TUT4: variants seen among roughly 807,000 people sequenced by gnomAD.
TUT4 encodes the protein terminal uridylyl transferase 4, also known as terminal uridylyltransferase 4.
Under a neutral mutation model 192.2 loss-of-function variants are expected in TUT4, and 36 were observed. That is an observed-to-expected ratio of 0.19 (90% confidence interval 0.14 to 0.25). The LOEUF is 0.25. TUT4 is among the 10% of genes least tolerant of loss of function. TUT4 has a pLI of 1.00. For missense variants in TUT4, 1,493 were observed against 1,957.2 expected (o/e 0.76, Z 4.47); for synonymous variants, 618 against 666.0 (o/e 0.93, Z 1.11).
At chr1:52,495,570 T>A in intron 5 of TUT4, 55 bp from the exon 6 acceptor site, 1 of 1,373,424 alleles carries the variant, frequency 7.3e-7, no homozygotes, top group South Asian at 1.3e-5. Flanking sequence ...ATGAGAGATG[T>A]AAAAAAACAG....
At chr1:52,472,719 C>A (rs926575589) in intron 13 of TUT4, among the ~76,000 whole-genome samples, 2 of 151,864 alleles carry the variant, frequency 1.3e-5, no homozygotes, top group Non-Finnish European at 2.9e-5. Flanking sequence ...AACTCCAAAC[C>A]CTATATAACC....
intron 26 of TUT4, among the ~76,000 whole-genome samples, chr1:52,436,001 CTTATTT>C (rs1289366514): frequency 6.6e-6 from 1 of 152,046 alleles, no homozygotes; most frequent in Non-Finnish European, 1.5e-5. Flanking sequence ...AAAATGTTCT[CTTATTT>C]TTTTTTAATA....
In TUT4 at chr1:52,435,370, C is replaced by T. The variant is rs1338515678; in HGVS notation, c.4258G>A (p.Glu1420Lys). ...TTCACAGGCAGAGTACTTACACATTCTGATGACTGTCTAGTCCTTATGGAC... is the reference window on the plus strand; with the variant it reads ...TTCACAGGCAGAGTACTTACACATTTTGATGACTGTCTAGTCCTTATGGAC... ...DQSIRTRQSS[E>K]CSESPSYSPQ... Residue 1420 changes from glutamate (E) to lysine (K), a missense_variant, in exon 27 of 30, where the codon GAA becomes AAA. Coordinates refer to ENST00000257177, the MANE Select transcript of TUT4 (RefSeq NM_001009881.3). 9 of 1,613,530 alleles carry T rather than the reference C, an allele frequency of 5.6e-6. No homozygotes were observed. The South Asian group carries it at 9.9e-5, about 18-fold the overall frequency.
intron 3 of TUT4, among the ~76,000 whole-genome samples, chr1:52,510,789 GC>G (rs922405240): frequency 6.6e-5 from 10 of 152,242 alleles, no homozygotes; most frequent in African/African-American, 2.4e-4. Flanking sequence ...GAAAACAAAA[GC>G]CCATAGAACC....
intron 24 of TUT4, among the ~76,000 whole-genome samples, chr1:52,442,389 C>A (rs1338535368): frequency 1.3e-5 from 2 of 152,136 alleles, no homozygotes; most frequent in South Asian, 2.1e-4. Context: ...TAAGGCAAAT[C>A]TATCTTGCAT....
intron 20 of TUT4, among the ~76,000 whole-genome samples, chr1:52,447,477 C>CAAAAAAAAAAAAAAAA (rs576050725): frequency 2.6e-5 from 3 of 113,348 alleles, no homozygotes; most frequent in Non-Finnish European, 3.6e-5. Flanking sequence ...AACAAAAAAA[C>CAAAAAAAAAAAAAAAA]AAAAAAAAAA....
At chr1:52,521,537 C>T (rs957746985) in intron 2 of TUT4, among the ~76,000 whole-genome samples, 20 of 151,804 alleles carry the variant, frequency 1.3e-4, no homozygotes, top group Admixed American at 2.0e-4. Context: ...TAGTGGTACA[C>T]GCCTGCAGTC....
At chr1:52,507,459 A>G (rs1355680155) in intron 4 of TUT4, among the ~76,000 whole-genome samples, 1 of 151,986 alleles carries the variant, frequency 6.6e-6, no homozygotes, top group South Asian at 2.1e-4. Flanking sequence ...CCACTGCTTC[A>G]TATTTCTGTA....
chr1:52,500,120 C>A (rs568768815), intron 4 of TUT4, among the ~76,000 whole-genome samples: 1,532 of 136,804 alleles, frequency 0.011, 24 homozygotes, highest in African/African-American at 0.039. Context: ...AGATTCTGCT[C>A]AAAAAAAAAA....
rs771656355 is a variant in TUT4, at chr1:52,490,769, C to T, written c.1351G>A (p.Ala451Thr). ...LYVDVESDFH[A>T]KVPVVVCRDR... is the part of the protein sequence containing the mutation. The stretch of plus-strand genomic sequence containing the variant: ...CTGCACACCACAACAGGAACTTTAG[C>T]GTGAAAATCAGATTCCACATCTACA... Residue 451 changes from alanine to threonine, a missense_variant, in exon 8 of 30, where the codon GCT becomes ACT. Physicochemically the swap from Ala to Thr is moderately conservative, Grantham distance 58. Transcript: ENST00000257177. The T allele has an allele frequency of 5.0e-6, 8 of 1,610,698 alleles. No homozygotes were observed. Among genetic ancestry groups the T allele is most frequent in the East Asian group, 2.2e-5 (1 of 44,746 alleles).
At position 52,431,341 on chromosome 1, in the gene TUT4, C is replaced by T. The variant is rs775316289; in HGVS notation, c.4383G>A (p.Gln1461=). ...CCTGATGGGGAGGTTGGGCTCCCTG[C>T]TGAGGTGGGCCAAGCTTAGGTTGGG... The part of the protein sequence containing the change: ...PGSQPKLGPP[Q]QGAQPPHQVQ... Residue 1461 remains glutamine (Q), a synonymous_variant, in exon 28 of 30, where the codon CAG becomes CAA. Transcript: ENST00000257177. 7 of 1,613,934 alleles carry T rather than the reference C, an allele frequency of 4.3e-6. No homozygotes were observed. The highest frequency in any genetic ancestry group is 5.1e-6 in the Non-Finnish European group (6 of 1,180,024).
In TUT4 at chr1:52,458,463, T is replaced by A; in HGVS notation, c.3322-14A>T. On this transcript the variant is annotated splice_polypyrimidine_tract_variant and intron_variant, in intron 19 of 29. Coordinates refer to ENST00000257177, the MANE Select transcript of TUT4 (RefSeq NM_001009881.3). ...AATGTCACATCGCTAAAAAACAACATGATTGAAAACAAAACTTCAGAGTCT... is the reference window on the plus strand; with the variant it reads ...AATGTCACATCGCTAAAAAACAACAAGATTGAAAACAAAACTTCAGAGTCT... 1.3e-6 allele frequency: 2 copies of A among 1,594,004 alleles called. No individual in the cohort carries two copies. The highest frequency in any genetic ancestry group is 1.7e-6 in the Non-Finnish European group (2 of 1,164,506).
At chr1:52,504,149 C>G (rs1317186551) in intron 4 of TUT4, among the ~76,000 whole-genome samples, 1 of 152,164 alleles carries the variant, frequency 6.6e-6, no homozygotes, top group Non-Finnish European at 1.5e-5. Flanking sequence ...TTCAAGACAT[C>G]CTAGGCCTGT....
In TUT4 at chr1:52,446,430, G is replaced by A; in HGVS notation, c.3526C>T (p.Pro1176Ser). ...GATTCTGTGTTCTTTCCAAGTGAAG[G>A]TAAACGCTTTTTCTACATATAAAAA... ...DKTEELKKRL[P>S]SLGKNTESLG... The change falls in exon 22 of 30, where the codon CCT (proline) becomes TCT (serine). Residue 1176 changes from proline (P) to serine (S), a missense_variant. Coordinates refer to ENST00000257177, the MANE Select transcript of TUT4 (RefSeq NM_001009881.3). 6.3e-7 allele frequency: 1 copy of A among 1,588,292 alleles called. No individual in the cohort carries two copies. Among genetic ancestry groups the A allele is most frequent in the Non-Finnish European group, 8.5e-7 (1 of 1,173,392 alleles).
At chr1:52,526,566 C>T (rs1162352915) in intron 1 of TUT4, among the ~76,000 whole-genome samples, 193 bp from the exon 2 acceptor site, 2 of 150,464 alleles carry the variant, frequency 1.3e-5, no homozygotes, top group Non-Finnish European at 1.5e-5. Context: ...GCCAAATGCT[C>T]ATCAAGGGAA....
At chr1:52,535,591 GAAGA>G (rs1311325089) in intron 1 of TUT4, among the ~76,000 whole-genome samples, 4 of 152,114 alleles carry the variant, frequency 2.6e-5, no homozygotes, top group Non-Finnish European at 4.4e-5. Context: ...GTCACAGAAA[GAAGA>G]AAGAGAAGGG....
chr1:52,443,497 G>A (rs1656365308), intron 24 of TUT4, among the ~76,000 whole-genome samples: 1 of 152,052 alleles, frequency 6.6e-6, no homozygotes, highest in Admixed American at 6.5e-5. Flanking sequence ...GCCGAGGCAG[G>A]AGAATCGCTT....
In TUT4 at chr1:52,431,163, G is replaced by C. The variant is rs201240564; in HGVS notation, c.4561C>G (p.Pro1521Ala). 9.3e-6 allele frequency: 15 copies of C among 1,614,224 alleles called. No individual in the cohort carries two copies. Among genetic ancestry groups the C allele is most frequent in the South Asian group, 3.3e-5 (3 of 91,084 alleles). Residue 1521 changes from proline (P) to alanine (A), a missense_variant, in exon 28 of 30, where the codon CCC (proline) becomes GCC (alanine). Pro to Ala is a conservative substitution (Grantham distance 27, BLOSUM62 -1). This residue lies in a region of TUT4 where 351 missense variants were observed against 397.8 expected (regional missense o/e 0.88). Coordinates refer to ENST00000257177, the MANE Select transcript of TUT4 (RefSeq NM_001009881.3). ...GGATCATTTAGGCCAATATTGCTGG[G>C]GGCACTGCCTGGTGCAGAGTGGATC... ...PVIHSAPGSA[P>A]SNIGLNDPSI...
chr1:52,484,357 G>A (rs1669264704), intron 9 of TUT4, among the ~76,000 whole-genome samples: 1 of 152,146 alleles, frequency 6.6e-6, no homozygotes, highest in South Asian at 2.1e-4. Context: ...CTTAAAGTAT[G>A]TTAGAGTCTA....
Sources: allele counts gnomAD v4.1 joint callset (sites outside exome capture counted in the v4.1 genomes callset), GRCh38; gene constraint gnomAD v4.1.1; regional missense constraint gnomAD v4.1.1; transcripts MANE v1.5; gene names NCBI Gene and HGNC (gene_info 2026-07-23, HGNC 2026-07-21).